The following SORL1 variants were observed in gnomAD, a reference collection of about 807,000 sequenced individuals.
SORL1 encodes the protein sortilin related receptor 1.
Under a neutral mutation model 273.7 loss-of-function variants are expected in SORL1, and 127 were observed. That is an observed-to-expected ratio of 0.46 (90% CI 0.40 to 0.54). The LOEUF (loss-of-function observed/expected upper bound fraction) is 0.54, where lower values mean the gene tolerates loss of function less well. Ranked by LOEUF, SORL1 falls within the 20% of genes least tolerant of loss-of-function variation. The pLI, the probability that SORL1 is intolerant of heterozygous loss-of-function variation, is 0.00. For synonymous variants in SORL1, 1,031 were observed against 1,067.4 expected (o/e 0.97, Z 0.66); for missense variants, 2,494 against 2,846.1 (o/e 0.88, Z 2.81).
intron 12 of SORL1, among the ~76,000 whole-genome samples, chr11:121,537,344 A>C (rs992613087): frequency 6.6e-6 from 1 of 152,124 alleles, no homozygotes; most frequent in Non-Finnish European, 1.5e-5. Flanking sequence ...AATGGAGAGG[A>C]TGGATTCAGT....
At chr11:121,493,280 TTGTC>T (rs956196069) in intron 5 of SORL1, among the ~76,000 whole-genome samples, 3 of 151,456 alleles carry the variant, frequency 2.0e-5, no homozygotes, top group African/African-American at 7.3e-5. Flanking sequence ...ATTTGTTTGT[TTGTC>T]TGTTTAAGTA....
At chr11:121,600,749 G>A (rs1328593728) in intron 32 of SORL1, among the ~76,000 whole-genome samples, 4 of 152,122 alleles carry the variant, frequency 2.6e-5, no homozygotes, top group Non-Finnish European at 5.9e-5. Context: ...AGTGTGGTGC[G>A]ATTCTTTTTA....
At chr11:121,482,217 G>T (rs188862451) in intron 3 of SORL1, among the ~76,000 whole-genome samples, 1 of 152,256 alleles carries the variant, frequency 6.6e-6, no homozygotes, top group East Asian at 1.9e-4. Flanking sequence ...AGCAGGGGCC[G>T]TGGTGTTTGG....
At chr11:121,575,380 G>A (rs911861965) in intron 24 of SORL1, among the ~76,000 whole-genome samples, 8 of 152,260 alleles carry the variant, frequency 5.3e-5, no homozygotes, top group African/African-American at 1.7e-4. Context: ...AGGCATGAGA[G>A]GGAAGTGAGA....
intron 14 of SORL1, among the ~76,000 whole-genome samples, chr11:121,547,176 G>C (rs1214042882): frequency 1.3e-5 from 2 of 151,962 alleles, no homozygotes; most frequent in Non-Finnish European, 2.9e-5. Context: ...TTGGCTCCAG[G>C]TAGTCCTCCC....
intron 12 of SORL1, among the ~76,000 whole-genome samples, chr11:121,538,151 T>C (rs1167548157): frequency 6.6e-6 from 1 of 150,508 alleles, no homozygotes; most frequent in East Asian, 2.0e-4. Flanking sequence ...AGTGTTTCCA[T>C]TTTTAACAGC....
Position 121,496,917 on chromosome 11 carries a change from T to A in SORL1, c.807T>A (p.His269Gln), listed in dbSNP as rs12364988. The A allele has an allele frequency of 6.2e-7, 1 of 1,613,258 alleles. No homozygotes were observed. Among genetic ancestry groups the A allele is most frequent in the Non-Finnish European group, 8.5e-7 (1 of 1,179,744 alleles). ...CAAATACCATCTACATTGAACGACA[T>A]GAACCCTCTGGCTACTCCACTGTCT... ...DKPNTIYIER[H>Q]EPSGYSTVFR... The change falls in exon 6 of 48, where the codon CAT (histidine) becomes CAA (glutamine). Residue 269 changes from histidine to glutamine, a missense_variant. Coordinates refer to ENST00000260197, the MANE Select transcript of SORL1 (RefSeq NM_003105.6).
intron 11 of SORL1, among the ~76,000 whole-genome samples, chr11:121,530,128 C>T (rs1862181824): frequency 6.6e-6 from 1 of 152,200 alleles, no homozygotes; most frequent in Non-Finnish European, 1.5e-5. Context: ...TCATATTTAT[C>T]ACATCAACAC....
chr11:121,469,684 A>T (rs1448327445), intron 1 of SORL1, among the ~76,000 whole-genome samples: 1 of 152,236 alleles, frequency 6.6e-6, no homozygotes, highest in African/African-American at 2.4e-5. Context: ...CATGTCATAC[A>T]TAGAGTAAGG....
intron 28 of SORL1, 72 bp downstream of exon 28, chr11:121,588,223 G>A: frequency 2.6e-6 from 4 of 1,563,536 alleles, no homozygotes; most frequent in South Asian, 1.1e-5. Flanking sequence ...GCCACCCTGG[G>A]GTTGTGTCTC....
rs1860824249 is a variant in SORL1 at position 121,550,540 on chromosome 11, A to G, written c.2181-45A>G. 3.2e-6 allele frequency: 5 copies of G among 1,568,528 alleles called. No homozygotes were observed. Among genetic ancestry groups the G allele is most frequent in the Admixed American group, 3.3e-5 (2 of 59,850 alleles). On this transcript the variant is annotated intron_variant, in intron 15 of 47. Transcript: ENST00000260197. The surrounding 1 kb of genome is among the most constrained non-coding windows in gnomAD (Gnocchi z 5.3). ...TCCCAGCTGGGATGCCTTTGTGGCT[A>G]TTCTTCCATGTTTCTGACCTCTTGC...
intron 6 of SORL1, among the ~76,000 whole-genome samples, chr11:121,502,659 C>T (rs763544021): frequency 1.3e-5 from 2 of 152,128 alleles, no homozygotes; most frequent in African/African-American, 4.8e-5. Flanking sequence ...CATCTTTTCA[C>T]GTGGCTGTTG....
chr11:121,537,655 A>C (rs1268352390), intron 12 of SORL1, among the ~76,000 whole-genome samples: 1 of 152,188 alleles, frequency 6.6e-6, no homozygotes. Context: ...GTGATAGACA[A>C]TCTTTTGTTC....
In SORL1 at chr11:121,600,490, C is replaced by T. The variant is rs567417915; in HGVS notation, c.4520-3703C>T. Among the ~76,000 whole-genome samples the T allele has an allele frequency of 2.2e-3, 333 of 152,098 alleles. 1 individual carries two copies. Among genetic ancestry groups the T allele is most frequent in the African/African-American group, 7.7e-3 (320 of 41,484 alleles). ...AAAATGACAGTAGGAACATCTGAGG[C>T]GAATAAGCAACCACATAATAAGATG... On this transcript the variant is annotated intron_variant, in intron 32 of 47. Coordinates refer to ENST00000260197, the MANE Select transcript of SORL1 (RefSeq NM_003105.6).
At chr11:121,619,097 T>C (rs1863683888) in intron 42 of SORL1, among the ~76,000 whole-genome samples, 1 of 152,166 alleles carries the variant, frequency 6.6e-6, no homozygotes. Context: ...TGCAGCTCCG[T>C]TATGGAGGAC....
intron 20 of SORL1, among the ~76,000 whole-genome samples, chr11:121,559,102 C>T (rs115419356): frequency 1.6e-3 from 248 of 152,326 alleles, no homozygotes; most frequent in African/African-American, 5.8e-3. Context: ...CCCTCAGTGT[C>T]AGTAGCCTCA....
intron 2 of SORL1, among the ~76,000 whole-genome samples, chr11:121,471,935 T>C (rs758929222): frequency 1.3e-5 from 2 of 152,156 alleles, no homozygotes; most frequent in African/African-American, 2.4e-5. Context: ...TTTATAAATA[T>C]GATCAGGTTT....
intron 4 of SORL1, among the ~76,000 whole-genome samples, chr11:121,488,461 A>G (rs1861507713): frequency 1.3e-5 from 2 of 152,130 alleles, no homozygotes; most frequent in South Asian, 4.2e-4. Flanking sequence ...ATGCAGTTGC[A>G]CCTTTGTTAG....
At chr11:121,589,723 T>C (rs1351724409) in intron 29 of SORL1, among the ~76,000 whole-genome samples, 4 of 152,248 alleles carry the variant, frequency 2.6e-5, no homozygotes, top group African/African-American at 4.8e-5. Flanking sequence ...GTAATAGTTA[T>C]TGTCATGATT....
Sources: allele counts gnomAD v4.1 joint callset (sites outside exome capture counted in the v4.1 genomes callset), GRCh38; gene constraint gnomAD v4.1.1; non-coding constraint Gnocchi (gnomAD v3.1); transcripts MANE v1.5; gene names NCBI Gene and HGNC (gene_info 2026-07-23, HGNC 2026-07-21).